The following DNAAF5 variants were observed in gnomAD, a reference collection of about 807,000 sequenced individuals.
The protein encoded by DNAAF5 is HEAT repeat containing 2.
Under a neutral mutation model 75.8 loss-of-function variants are expected in DNAAF5, and 64 were observed. The observed-to-expected ratio is 0.84, with a 90% CI of 0.69 to 1.04. The LOEUF is 1.04. DNAAF5 is among the 50% of genes least tolerant of loss of function. DNAAF5 has a pLI of 0.00. For synonymous variants in DNAAF5, 657 were observed against 557.2 expected (o/e 1.18, Z -2.52); for missense variants, 1,269 against 1,178.5 (o/e 1.08, Z -1.12).
rs62432251 is a variant in DNAAF5 at position 762,218 on chromosome 7, T to G, written c.1614+322T>G. 0.81 allele frequency among the ~76,000 whole-genome samples: 122,455 copies of G among 152,108 alleles called. 49,426 individuals are homozygous for G. Among genetic ancestry groups the G allele is most frequent in the South Asian group, 0.87 (4,178 of 4,822 alleles). On this transcript the variant is annotated intron_variant, in intron 7 of 12. Transcript: ENST00000297440. ...AGTGCACATGTCGCTGGGCGTGGCA[T>G]CTCACGCCTGTAATCCCAGCACTTT... is the stretch of plus-strand genomic sequence containing the variant.
chr7:753,459 C>T (rs1294882433), intron 4 of DNAAF5, among the ~76,000 whole-genome samples: 1 of 152,222 alleles, frequency 6.6e-6, no homozygotes, highest in Non-Finnish European at 1.5e-5. Context: ...TTGGGGGCTG[C>T]AGTGCAGAGG....
At chr7:777,130 A>C (rs1057399995) in intron 11 of DNAAF5, among the ~76,000 whole-genome samples, 56 of 152,302 alleles carry the variant, frequency 3.7e-4, no homozygotes, top group Admixed American at 1.1e-3. Context: ...TGAGTTGTAG[A>C]ATTATCTCAT....
At chr7:745,685 A>C (rs1430054586) in intron 4 of DNAAF5, among the ~76,000 whole-genome samples, 2 of 148,290 alleles carry the variant, frequency 1.3e-5, no homozygotes, top group African/African-American at 4.9e-5. Flanking sequence ...ACACACATAT[A>C]CACATCTGCA....
chr7:764,456 A>G (rs1782758978), intron 8 of DNAAF5, among the ~76,000 whole-genome samples: 1 of 152,230 alleles, frequency 6.6e-6, no homozygotes, highest in African/African-American at 2.4e-5. Context: ...GATCCACTGC[A>G]GAACCCTAAG....
At chr7:749,946 G>T (rs192313922) in intron 4 of DNAAF5, among the ~76,000 whole-genome samples, 2 of 152,104 alleles carry the variant, frequency 1.3e-5, no homozygotes, top group Non-Finnish European at 2.9e-5. Context: ...TGATCCACCC[G>T]CCTTGGCCTC....
intron 10 of DNAAF5, among the ~76,000 whole-genome samples, 176 bp from the exon 11 acceptor site, chr7:774,830 T>G (rs1286444854): frequency 6.6e-6 from 1 of 152,196 alleles, no homozygotes; most frequent in East Asian, 1.9e-4. Flanking sequence ...AAAAATCAAG[T>G]AAGCAAGTTA....
chr7:777,697 C>T (rs4721018), intron 11 of DNAAF5, among the ~76,000 whole-genome samples: 95,607 of 152,040 alleles, frequency 0.63, 30,288 homozygotes, highest in South Asian at 0.67. Flanking sequence ...TGCTAATTCC[C>T]GGAAATGAAT....
chr7:768,960 G>C lies in DNAAF5; in HGVS notation c.1784-1511G>C, dbSNP rs1778455052. ...GCCCAAGACTCGTGCTCTGGCGGGA[G>C]GCTCAAGTCAGGCGTCCCAGCAGCT... On this transcript the variant is annotated intron_variant, in intron 8 of 12. Coordinates refer to ENST00000297440, the MANE Select transcript of DNAAF5 (RefSeq NM_017802.4). 3 of 576,910 alleles carry C rather than the reference G, an allele frequency of 5.2e-6. No homozygotes were observed. The East Asian group carries it at 8.4e-5, about 16-fold the overall frequency. The allele number at this position is 576,910 out of a possible 1,614,324, so 35.7% of individuals were successfully genotyped here.
At chr7:730,856 C>T (rs74826389) in intron 2 of DNAAF5, among the ~76,000 whole-genome samples, 24,825 of 152,232 alleles carry the variant, frequency 0.16, 2,392 homozygotes, top group Middle Eastern at 0.3. Context: ...TCACCATGTA[C>T]GCTGGCCGGC....
chr7:750,872 G>A (rs966680587), intron 4 of DNAAF5: 2 of 167,072 alleles, frequency 1.2e-5, no homozygotes, highest in African/African-American at 4.8e-5. Flanking sequence ...TTCCAGAGCG[G>A]ATCGTCATCA....
At position 739,354 on chromosome 7, in the gene DNAAF5, C is replaced by A. The variant is rs532556809; in HGVS notation, c.781-1465C>A. Among the ~76,000 whole-genome samples, 6 of 152,220 alleles carry A rather than the reference C, an allele frequency of 3.9e-5. No homozygotes were observed. In the South Asian group the frequency reaches 1.2e-3, roughly 32 times the overall value. Reference sequence around the variant, plus strand: ...CGTGGCAGGTGTCGACTGCATTAAACCCTGGGCTGTCTCTGCTCGAGACCT... The same window carrying A: ...CGTGGCAGGTGTCGACTGCATTAAAACCTGGGCTGTCTCTGCTCGAGACCT... On this transcript the variant is annotated intron_variant, in intron 2 of 12. Transcript: ENST00000297440.
At chr7:747,008 C>T (rs1354067819) in intron 4 of DNAAF5, among the ~76,000 whole-genome samples, 8 of 152,254 alleles carry the variant, frequency 5.3e-5, no homozygotes, top group Non-Finnish European at 8.8e-5. Context: ...CGTTCCCTCC[C>T]GTGGATGGAC....
intron 8 of DNAAF5, among the ~76,000 whole-genome samples, chr7:767,679 C>G (rs1315085485): frequency 6.6e-6 from 1 of 152,154 alleles, no homozygotes; most frequent in East Asian, 1.9e-4. Context: ...CAAGCAGGAA[C>G]TCGCACTGGG....
At position 762,441 on chromosome 7, in the gene DNAAF5, C is replaced by T. The variant is rs1451402437; in HGVS notation, c.1614+545C>T. ...AGCAGAGGTTGCAGTGAGCCAAGAT[C>T]GTGCCACTGCACTCCAGCCTGGGCT... is the stretch of plus-strand genomic sequence containing the variant. On this transcript the variant is annotated intron_variant, in intron 7 of 12. Coordinates refer to ENST00000297440, the MANE Select transcript of DNAAF5 (RefSeq NM_017802.4). Among the ~76,000 whole-genome samples, 7 of 150,624 alleles carry T rather than the reference C, an allele frequency of 4.6e-5. 1 individual carries two copies. Among genetic ancestry groups the T allele is most frequent in the South Asian group, 4.3e-4 (2 of 4,704 alleles).
intron 2 of DNAAF5, among the ~76,000 whole-genome samples, chr7:732,273 C>T (rs909234367): frequency 3.9e-5 from 6 of 152,244 alleles, no homozygotes; most frequent in Non-Finnish European, 7.3e-5. Flanking sequence ...ACTGCAGCTC[C>T]GAGCCCAGGA....
At position 756,854 on chromosome 7, in the gene DNAAF5, C is replaced by G. The variant is rs1352157848; in HGVS notation, c.1330C>G (p.Leu444Val). 4 of 1,613,986 alleles carry G rather than the reference C, an allele frequency of 2.5e-6. No individual in the cohort carries two copies. The highest frequency in any genetic ancestry group is 2.2e-5 in the East Asian group (1 of 44,886). ...GTTTCTGAAGCTGATCTTATCGACGCTGAAGAAGACGCCCTCTGCCTCCGG... is the reference window on the plus strand; with the variant it reads ...GTTTCTGAAGCTGATCTTATCGACGGTGAAGAAGACGCCCTCTGCCTCCGG... ...EVFLKLILST[L>V]KKTPSASGLL... The change falls in exon 6 of 13, where the codon CTG becomes GTG. Residue 444 changes from leucine (L) to valine (V), a missense_variant. Coordinates refer to ENST00000297440, the MANE Select transcript of DNAAF5 (RefSeq NM_017802.4).
chr7:780,190 C>T (rs759726204), intron 12 of DNAAF5, 46 bp downstream of exon 12: 111 of 1,553,166 alleles, frequency 7.1e-5, no homozygotes, highest in Non-Finnish European at 8.6e-5. Context: ...CTGCTTTCGG[C>T]GCCTGCCACG....
intron 12 of DNAAF5, among the ~76,000 whole-genome samples, chr7:782,666 TC>T (rs1428500892): frequency 1.6e-5 from 2 of 125,978 alleles, no homozygotes; most frequent in African/African-American, 6.6e-5. Flanking sequence ...CGTCAGAAAC[TC>T]GATCTTCCTG....
At chr7:759,600 A>C (rs1196301985) in intron 6 of DNAAF5, among the ~76,000 whole-genome samples, 1 of 152,140 alleles carries the variant, frequency 6.6e-6, no homozygotes, top group East Asian at 1.9e-4. Flanking sequence ...ACTGAGAATT[A>C]TTTCCTGCTG....
Sources: allele counts gnomAD v4.1 joint callset (sites outside exome capture counted in the v4.1 genomes callset), GRCh38; gene constraint gnomAD v4.1.1; transcripts MANE v1.5; gene names NCBI Gene and HGNC (gene_info 2026-07-23, HGNC 2026-07-21).